Variants in BAMBI observed in about 807,000 individuals in gnomAD.
The protein encoded by BAMBI is BMP and activin membrane bound inhibitor, also known as BMP and activin membrane-bound inhibitor homolog.
In BAMBI, 21 loss-of-function variants were observed where a neutral mutation model predicts 24.1. The observed-to-expected ratio is 0.87, with a 90% CI of 0.62 to 1.26. The LOEUF (loss-of-function observed/expected upper bound fraction) is 1.26, where lower values mean the gene tolerates loss of function less well. Ranked by LOEUF, BAMBI falls within the 50% of genes most tolerant of loss-of-function variation. The pLI is 0.00. For missense variants in BAMBI, 388 were observed against 329.1 expected (o/e 1.18, Z -1.38); for synonymous variants, 156 against 123.1 (o/e 1.27, Z -1.77).
At position 28,680,352 on chromosome 10, in the gene BAMBI, G is replaced by A. The variant is rs888666204; in HGVS notation, c.77-906G>A. ...TGCGACAAAATGTGAACGGAGCCAT[G>A]CAACTCACAAAATAAGTTTTTATAA... is the stretch of plus-strand genomic sequence containing the variant. On this transcript the variant is annotated intron_variant, in intron 1 of 2. Transcript: ENST00000375533. Among the ~76,000 whole-genome samples the A allele has an allele frequency of 5.9e-5, 9 of 152,294 alleles. No individual in the cohort carries two copies. The East Asian group carries it at 1.7e-3, about 29-fold the overall frequency.
Position 28,677,881 on chromosome 10 carries a change from G to T in BAMBI, c.-17G>T. ...CTCCGGAAGCCGGCGGGGGCGCCGCGGCCGTGCGGGGCGTCAATGGATCGC... is the reference window on the plus strand; with the variant it reads ...CTCCGGAAGCCGGCGGGGGCGCCGCTGCCGTGCGGGGCGTCAATGGATCGC... On this transcript the variant is annotated 5_prime_UTR_variant, in exon 1 of 3. Transcript: ENST00000375533. 3 of 1,493,692 alleles carry T rather than the reference G, an allele frequency of 2.0e-6. No individual in the cohort carries two copies. Among genetic ancestry groups the T allele is most frequent in the South Asian group, 2.5e-5 (2 of 79,884 alleles). The allele number at this position is 1,493,692 out of a possible 1,614,324, so 92.5% of individuals were successfully genotyped here.
chr10:28,682,617 AAG>A lies in BAMBI; in HGVS notation c.*220_*221del, dbSNP rs1160965790. ...TTTGCTTTTAAAATTATAAAAAGCA[AAG>A]AGAAGACTTTGTACACACTGTCACC... On this transcript the variant is annotated 3_prime_UTR_variant, in exon 3 of 3. Coordinates refer to ENST00000375533, the MANE Select transcript of BAMBI (RefSeq NM_012342.3). 1.9e-5 allele frequency: 10 copies of A among 513,574 alleles called. No homozygotes were observed. The highest frequency in any genetic ancestry group is 3.0e-5 in the Non-Finnish European group (9 of 297,978). 31.8% of individuals were successfully genotyped at this position (513,574 alleles called of 1,614,324 possible).
Position 28,681,289 on chromosome 10 carries a change from C to T in BAMBI, c.108C>T (p.His36=), listed in dbSNP as rs1223155845. ...GEIRCYCDAA[H]CVATGYMCKS... ...TTCGATGCTACTGTGATGCTGCCCA[C>T]TGTGTAGCCACTGGTTATATGTGTA... is the stretch of plus-strand genomic sequence containing the variant. Residue 36 remains histidine, a synonymous_variant, in exon 2 of 3, where the codon CAC becomes CAT. Coordinates refer to ENST00000375533, the MANE Select transcript of BAMBI (RefSeq NM_012342.3). 11 of 1,613,648 alleles carry T rather than the reference C, an allele frequency of 6.8e-6. No individual in the cohort carries two copies. In the South Asian group the frequency reaches 1.2e-4, roughly 18 times the overall value.
At chr10:28,679,817 A>G (rs1834479095) in intron 1 of BAMBI, among the ~76,000 whole-genome samples, 1 of 152,128 alleles carries the variant, frequency 6.6e-6, no homozygotes, top group African/African-American at 2.4e-5. Flanking sequence ...GCTTGGAGGG[A>G]GGAGGAGAAA....
intron 2 of BAMBI, 167 bp downstream of exon 2, chr10:28,681,712 C>T (rs922534125): frequency 8.6e-6 from 7 of 815,042 alleles, no homozygotes; most frequent in Non-Finnish European, 5.7e-6. Flanking sequence ...GCTTTTATGT[C>T]TGAGCATTAG....
chr10:28,682,343 T>A lies in BAMBI; in HGVS notation c.725T>A (p.Ile242Asn). The A allele has an allele frequency of 1.2e-6, 2 of 1,613,996 alleles. No homozygotes were observed. Among genetic ancestry groups the A allele is most frequent in the Non-Finnish European group, 1.7e-6 (2 of 1,180,008 alleles). ...CAAGCAGACCTCAGCAACGATAAGA[T>A]CCTCTCGCTTGTTCACTGGGGCATG... ...MRQADLSNDK[I>N]LSLVHWGMYS... The change falls in exon 3 of 3, where the codon ATC becomes AAC. Residue 242 changes from isoleucine (I) to asparagine (N), a missense_variant. By Grantham distance (149) the Ile-to-Asn change is moderately radical. Transcript: ENST00000375533.
rs767840470 is a variant in BAMBI, at chr10:28,682,120, C to T, written c.502C>T (p.Leu168Phe). 3 of 1,613,958 alleles carry T rather than the reference C, an allele frequency of 1.9e-6. No individual in the cohort carries two copies. Among genetic ancestry groups the T allele is most frequent in the Admixed American group, 3.3e-5 (2 of 59,986 alleles). The change falls in exon 3 of 3, where the codon CTT becomes TTT. Residue 168 changes from leucine to phenylalanine, a missense_variant. By Grantham distance (22) the Leu-to-Phe change is conservative. Transcript: ENST00000375533. ...PIAGGLILVL[L>F]IMLALRMLRS... is the part of the protein sequence containing the mutation. ...TGCTGGAGGGCTGATTTTAGTGTTG[C>T]TTATTATGTTGGCCCTGAGGATGCT...
In BAMBI at chr10:28,682,617, A is replaced by C; in HGVS notation, c.*216A>C. ...TTTGCTTTTAAAATTATAAAAAGCA[A>C]AGAGAAGACTTTGTACACACTGTCA... On this transcript the variant is annotated 3_prime_UTR_variant, in exon 3 of 3. Transcript: ENST00000375533. 1.9e-6 allele frequency: 1 copy of C among 513,690 alleles called. No homozygotes were observed. The highest frequency in any genetic ancestry group is 3.4e-6 in the Non-Finnish European group (1 of 297,970). 31.8% of individuals were successfully genotyped at this position (513,690 alleles called of 1,614,324 possible). A position where few individuals can be genotyped will look rare whatever the true frequency, so the allele number is the denominator to read the frequency against.
Position 28,677,884 on chromosome 10 carries a change from C to T in BAMBI, c.-14C>T, listed in dbSNP as rs1834453477. ...CGGAAGCCGGCGGGGGCGCCGCGGC[C>T]GTGCGGGGCGTCAATGGATCGCCAC... is the stretch of plus-strand genomic sequence containing the variant. On this transcript the variant is annotated 5_prime_UTR_variant, in exon 1 of 3. Coordinates refer to ENST00000375533, the MANE Select transcript of BAMBI (RefSeq NM_012342.3). 4 of 1,498,770 alleles carry T rather than the reference C, an allele frequency of 2.7e-6. No homozygotes were observed. In the African/African-American group the frequency reaches 4.3e-5, roughly 16 times the overall value. 92.8% of individuals were successfully genotyped at this position (1,498,770 alleles called of 1,614,324 possible).
rs143207916 is a variant in BAMBI, at chr10:28,681,354, C to G, written c.173C>G (p.Pro58Arg). The G allele has an allele frequency of 1.9e-4, 309 of 1,614,152 alleles. 1 individual carries two copies. The highest frequency in any genetic ancestry group is 5.3e-4 in the Admixed American group (32 of 60,026). ...GCCTGCTTCTCTAGACTTCTTGATC[C>G]TCAGAACTCAAATTCCCCACTCACC... is the stretch of plus-strand genomic sequence containing the variant. The part of the protein sequence containing the change: ...LSACFSRLLD[P>R]QNSNSPLTHG... Residue 58 changes from proline (P) to arginine (R), a missense_variant, in exon 2 of 3, where the codon CCT becomes CGT. Transcript: ENST00000375533.
At chr10:28,680,438 A>G (rs897046208) in intron 1 of BAMBI, among the ~76,000 whole-genome samples, 6 of 152,174 alleles carry the variant, frequency 3.9e-5, no homozygotes, top group Non-Finnish European at 8.8e-5. Context: ...TTTTCATTCA[A>G]CCAGCAGAGG....
rs772877740 is a variant in BAMBI, at chr10:28,682,197, TTTGCAC to T, written c.581_586del (p.Leu194_His195del). The T allele has an allele frequency of 6.2e-7, 1 of 1,614,088 alleles. No individual in the cohort carries two copies. The highest frequency in any genetic ancestry group is 8.5e-7 in the Non-Finnish European group (1 of 1,179,980). On this transcript the variant is annotated inframe_deletion, in exon 3 of 3. Coordinates refer to ENST00000375533, the MANE Select transcript of BAMBI (RefSeq NM_012342.3). ...ATCAGCGGCAACAGATGCTCTCCCG[TTTGCAC>T]TACAGCTTTCACGGACACCATTCCA...
chr10:28,678,628 T>C (rs1365099697), intron 1 of BAMBI, among the ~76,000 whole-genome samples: 2 of 150,776 alleles, frequency 1.3e-5, no homozygotes, highest in African/African-American at 2.4e-5. Flanking sequence ...TATCTCTGAA[T>C]GTGCATCTGA....
Position 28,677,909 on chromosome 10 carries a change from C to T in BAMBI, c.12C>T (p.His4=). Residue 4 remains histidine, a synonymous_variant, in exon 1 of 3, where the codon CAC becomes CAT. Transcript: ENST00000375533. MDR[H]SSYIFIWLQL... ...CGTGCGGGGCGTCAATGGATCGCCA[C>T]TCCAGCTACATCTTCATCTGGCTGC... The T allele has an allele frequency of 1.3e-6, 2 of 1,521,856 alleles. No homozygotes were observed. Among genetic ancestry groups the T allele is most frequent in the Non-Finnish European group, 1.8e-6 (2 of 1,141,470 alleles). The allele number at this position is 1,521,856 out of a possible 1,614,324, so 94.3% of individuals were successfully genotyped here. A position where few individuals can be genotyped will look rare whatever the true frequency, so the allele number is the denominator to read the frequency against.
At position 28,682,441 on chromosome 10, in the gene BAMBI, G is replaced by T; in HGVS notation, c.*40G>T. 6.4e-7 allele frequency: 1 copy of T among 1,559,040 alleles called. No individual in the cohort carries two copies. Among genetic ancestry groups the T allele is most frequent in the African/African-American group, 1.4e-5 (1 of 73,550 alleles). On this transcript the variant is annotated 3_prime_UTR_variant, in exon 3 of 3. Coordinates refer to ENST00000375533, the MANE Select transcript of BAMBI (RefSeq NM_012342.3). The stretch of plus-strand genomic sequence containing the variant: ...AACTACACTTACTGAACAGCTTGAA[G>T]GCCTTTTGAGTTCTGCTGGACAGGA...
chr10:28,678,084 C>G (rs1834456510), intron 1 of BAMBI, 111 bp downstream of exon 1: 1 of 971,806 alleles, frequency 1.0e-6, no homozygotes, highest in African/African-American at 1.7e-5. Flanking sequence ...GCGCCGGAGC[C>G]GCAGGTCGCG....
rs1834493862 is a variant in BAMBI, at chr10:28,681,282, C to T, written c.101C>T (p.Ala34Val). ...GGTGAAATTCGATGCTACTGTGATG[C>T]TGCCCACTGTGTAGCCACTGGTTAT... ...TKGEIRCYCD[A>V]AHCVATGYMC... is the part of the protein sequence containing the mutation. Residue 34 changes from alanine (A) to valine (V), a missense_variant, in exon 2 of 3, where the codon GCT becomes GTT. Coordinates refer to ENST00000375533, the MANE Select transcript of BAMBI (RefSeq NM_012342.3). 1 of 1,613,178 alleles carries T rather than the reference C, an allele frequency of 6.2e-7. No individual in the cohort carries two copies. Among genetic ancestry groups the T allele is most frequent in the Non-Finnish European group, 8.5e-7 (1 of 1,179,976 alleles).
At chr10:28,678,124 C>G (rs554226071) in intron 1 of BAMBI, 151 bp downstream of exon 1, 4 of 640,742 alleles carry the variant, frequency 6.2e-6, no homozygotes, top group Non-Finnish European at 9.8e-6. Context: ...GAAGTCGCGG[C>G]GGTGGCCTGG....
At chr10:28,678,802 A>G (rs2132944671) in intron 1 of BAMBI, among the ~76,000 whole-genome samples, 1 of 144,484 alleles carries the variant, frequency 6.9e-6, no homozygotes, top group African/African-American at 2.7e-5. Flanking sequence ...CACTCACCTC[A>G]TATTTTACAA....
Sources: gnomAD v4.1 joint callset for allele counts (sites outside exome capture counted in the v4.1 genomes callset) on GRCh38, gnomAD v4.1.1 for gene constraint, MANE v1.5 for transcripts, NCBI Gene and HGNC (gene_info 2026-07-23, HGNC 2026-07-21) for gene names.